MGST1: variants seen among roughly 807,000 people sequenced by gnomAD.
MGST1 encodes microsomal glutathione S-transferase 1.
Under a neutral mutation model 8.9 loss-of-function variants are expected in MGST1, and 5 were observed. The ratio of observed to expected loss-of-function variants is 0.56; its 90% CI spans 0.29 to 1.19. The LOEUF is 1.19. MGST1 is among the 50% of genes most tolerant of loss of function. The probability of loss-of-function intolerance (pLI) is 0.08; values close to 1 mark genes in which losing one functional copy is unlikely to be tolerated. For missense variants in MGST1, 182 were observed against 187.4 expected (o/e 0.97, Z 0.17); for synonymous variants, 54 against 67.8 (o/e 0.80, Z 1.00).
intron 1 of MGST1, among the ~76,000 whole-genome samples, chr12:16,352,123 T>A (rs1428610299): frequency 2.0e-5 from 3 of 152,250 alleles, no homozygotes; most frequent in Non-Finnish European, 2.9e-5. Context: ...CCCTTTTTCT[T>A]CTTTTGTGAA....
Position 16,482,712 on chromosome 12 carries a change from C to A in MGST1, n.482+99108C>A, listed in dbSNP as rs1013572213. On this transcript the variant is annotated intron_variant and non_coding_transcript_variant, in intron 4 of 4. Coordinates refer to the MGST1 transcript ENST00000538857. This position sits in a 1 kb window ranked among gnomAD's most constrained non-coding sequence, Gnocchi z 4.2. ...AACAACAAGTTGATTGTTCTAGAGA[C>A]AGGTATGTTCTGGAGAAGGGAAAAG... Among the ~76,000 whole-genome samples the A allele has an allele frequency of 6.6e-6, 1 of 151,678 alleles. No individual in the cohort carries two copies. Among genetic ancestry groups the A allele is most frequent in the Non-Finnish European group, 1.5e-5 (1 of 67,990 alleles).
intron 4 of MGST1, among the ~76,000 whole-genome samples, chr12:16,577,138 T>A (rs1035548350): frequency 6.6e-6 from 1 of 152,176 alleles, no homozygotes; most frequent in African/African-American, 2.4e-5. Flanking sequence ...GTATCCCTCA[T>A]ATCTAGTGAT....
chr12:16,555,306 T>G lies in MGST1; in HGVS notation n.483-34222T>G, dbSNP rs373188598. The stretch of plus-strand genomic sequence containing the variant: ...TGCCTCCATCAACATCTTCTGACCA[T>G]GTAAATTTGCTTATTCTGATGTTTC... On this transcript the variant is annotated intron_variant and non_coding_transcript_variant, in intron 4 of 4. Coordinates refer to the MGST1 transcript ENST00000538857. The surrounding 1 kb of genome is among the most constrained non-coding windows in gnomAD (Gnocchi z 5.5). Among the ~76,000 whole-genome samples the G allele has an allele frequency of 6.6e-6, 1 of 152,220 alleles. No homozygotes were observed. Among genetic ancestry groups the G allele is most frequent in the Non-Finnish European group, 1.5e-5 (1 of 68,038 alleles).
At chr12:16,430,524 A>G (rs1940928814) in intron 1 of MGST1, among the ~76,000 whole-genome samples, 1 of 152,212 alleles carries the variant, frequency 6.6e-6, no homozygotes, top group Admixed American at 6.5e-5. Flanking sequence ...TTGTGTTAGC[A>G]GGCATGAAAA....
At chr12:16,571,764 C>T (rs1942818955) in intron 4 of MGST1, among the ~76,000 whole-genome samples, 1 of 152,028 alleles carries the variant, frequency 6.6e-6, no homozygotes, top group African/African-American at 2.4e-5. Flanking sequence ...TGTGATTCTT[C>T]ATTCTAATCA....
At chr12:16,423,561 A>T (rs985943481) in intron 1 of MGST1, among the ~76,000 whole-genome samples, 7 of 151,438 alleles carry the variant, frequency 4.6e-5, no homozygotes, top group Admixed American at 3.3e-4. Context: ...GTACAAAAAA[A>T]ATCCTTGTTG....
chr12:16,566,537 T>A (rs940657144), intron 4 of MGST1, among the ~76,000 whole-genome samples: 3 of 152,182 alleles, frequency 2.0e-5, no homozygotes, highest in Non-Finnish European at 4.4e-5. Flanking sequence ...TGTACCATTA[T>A]AAGGTGCTAA....
chr12:16,471,505 G>T (rs1591738924), intron 4 of MGST1, among the ~76,000 whole-genome samples: 2 of 152,160 alleles, frequency 1.3e-5, no homozygotes, highest in East Asian at 3.8e-4. Flanking sequence ...ATACTCTTAT[G>T]GGACTAACAC....
At chr12:16,432,723 CACACACACAGAG>C (rs1436597704) in intron 1 of MGST1, among the ~76,000 whole-genome samples, 2 of 124,102 alleles carry the variant, frequency 1.6e-5, no homozygotes, top group Non-Finnish European at 3.2e-5. Flanking sequence ...CACACACACA[CACACACACAGAG>C]AGAGAGAATA....
intron 1 of MGST1, among the ~76,000 whole-genome samples, chr12:16,421,860 G>A (rs1439285605): frequency 6.6e-6 from 1 of 152,118 alleles, no homozygotes; most frequent in Non-Finnish European, 1.5e-5. Flanking sequence ...CCAGACTACA[G>A]GGGTCCAATG....
chr12:16,425,489 G>A (rs912303658), intron 1 of MGST1, among the ~76,000 whole-genome samples: 2 of 152,062 alleles, frequency 1.3e-5, no homozygotes, highest in African/African-American at 4.8e-5. Flanking sequence ...TCTCCATGTT[G>A]GCCAAGCTGG....
Position 16,357,689 on chromosome 12 carries a change from C to A in MGST1, c.211C>A (p.Arg71Ser). 1 of 1,612,858 alleles carries A rather than the reference C, an allele frequency of 6.2e-7. No individual in the cohort carries two copies. ...KYLRTDDRVERVRRAHLNDLE... is the reference protein window; with the variant it reads ...KYLRTDDRVESVRRAHLNDLE... The stretch of plus-strand genomic sequence containing the variant: ...TCTTCGAACAGATGACAGAGTAGAA[C>A]GTGTACGCAGGTAAACCAGTGTCTC... The change falls in exon 3 of 4, where the codon CGT (arginine) becomes AGT (serine). Residue 71 changes from arginine to serine, a missense_variant. Coordinates refer to ENST00000396210, the MANE Select transcript of MGST1 (RefSeq NM_020300.5).
chr12:16,499,903 C>A (rs1038232858), intron 4 of MGST1, among the ~76,000 whole-genome samples: 3 of 151,970 alleles, frequency 2.0e-5, no homozygotes, highest in Non-Finnish European at 4.4e-5. Flanking sequence ...TTTAGTAGTG[C>A]ATGTTTTTAA....
intron 4 of MGST1, among the ~76,000 whole-genome samples, chr12:16,451,854 T>A (rs960803751): frequency 6.6e-6 from 1 of 151,862 alleles, no homozygotes; most frequent in African/African-American, 2.4e-5. Context: ...TTAATACAGG[T>A]TTCATTATTT....
downstream of MGST1, among the ~76,000 whole-genome samples, chr12:16,365,219 T>A (rs1158084141): frequency 1.3e-5 from 2 of 152,054 alleles, no homozygotes; most frequent in Non-Finnish European, 2.9e-5. Context: ...GCACCCATGG[T>A]TTCTACATAT....
intron 1 of MGST1, among the ~76,000 whole-genome samples, chr12:16,435,439 A>C (rs1354989075): frequency 6.6e-6 from 1 of 151,882 alleles, no homozygotes; most frequent in Non-Finnish European, 1.5e-5. Context: ...TATCATCTAA[A>C]CTTGATTTTC....
At chr12:16,572,221 T>A (rs1370727121) in intron 4 of MGST1, among the ~76,000 whole-genome samples, 2 of 151,958 alleles carry the variant, frequency 1.3e-5, no homozygotes, top group Non-Finnish European at 2.9e-5. Context: ...GTTGTACTTT[T>A]ACGTAGTAAA....
intron 4 of MGST1, among the ~76,000 whole-genome samples, chr12:16,533,477 G>A (rs1376178448): frequency 2.0e-5 from 3 of 152,100 alleles, no homozygotes; most frequent in Non-Finnish European, 2.9e-5. Context: ...ATTGAGCCTT[G>A]CTTTTTTCTC....
intron 4 of MGST1, among the ~76,000 whole-genome samples, chr12:16,453,461 C>T (rs1288165154): frequency 6.6e-6 from 1 of 151,872 alleles, no homozygotes; most frequent in Non-Finnish European, 1.5e-5. Context: ...TTTATATATA[C>T]ATACAAACAA....
Sources: gnomAD v4.1 joint callset for allele counts (sites outside exome capture counted in the v4.1 genomes callset) on GRCh38, gnomAD v4.1.1 for gene constraint, Gnocchi (gnomAD v3.1) non-coding constraint, MANE v1.5 for transcripts, NCBI Gene and HGNC (gene_info 2026-07-23, HGNC 2026-07-21) for gene names.